PHACTR3: variants seen among roughly 807,000 people sequenced by gnomAD.
The protein encoded by PHACTR3 is protein phosphatase 1, regulatory subunit 123.
A neutral mutation model predicts 66.8 loss-of-function variants in PHACTR3; 16 were observed. The ratio of observed to expected loss-of-function variants is 0.24; its 90% CI spans 0.16 to 0.36. PHACTR3 has a LOEUF of 0.36. Ranked by LOEUF, PHACTR3 falls within the 10% of genes least tolerant of loss-of-function variation. PHACTR3 has a pLI of 1.00. For missense variants in PHACTR3, 647 were observed against 719.9 expected, an observed-to-expected ratio of 0.90 and a Z score of 1.16; for synonymous variants, 323 against 292.1, an observed-to-expected ratio of 1.11 and a Z score of -1.08.
chr20:59,841,417 A>C lies in PHACTR3; in HGVS notation c.1469A>C (p.Asp490Ala). 1 of 1,613,016 alleles carries C rather than the reference A, an allele frequency of 6.2e-7. No individual in the cohort carries two copies. Among genetic ancestry groups the C allele is most frequent in the Non-Finnish European group, 8.5e-7 (1 of 1,179,402 alleles). Reference sequence around the variant, plus strand: ...TAGCTTAATCAGAGACCCACTGTTGATGAATTAAGAGACAGAAAAATTCTG... The same window carrying C: ...TAGCTTAATCAGAGACCCACTGTTGCTGAATTAAGAGACAGAAAAATTCTG... ...TRKLNQRPTVDELRDRKILIR... is the reference protein window; with the variant it reads ...TRKLNQRPTVAELRDRKILIR... The change falls in exon 11 of 13, where the codon GAT becomes GCT. Residue 490 changes from aspartate (D) to alanine (A), a missense_variant. Physicochemically the swap from Asp to Ala is moderately radical, Grantham distance 126. This residue lies in a region of PHACTR3 where 70 missense variants were observed against 148.8 expected (regional missense o/e 0.47). Transcript: ENST00000371015.
chr20:59,597,531 C>G (rs2033358861), intron 1 of PHACTR3, among the ~76,000 whole-genome samples: 2 of 152,150 alleles, frequency 1.3e-5, no homozygotes, highest in East Asian at 1.9e-4. Context: ...AGAACTTTGC[C>G]TCTCATTTTC....
At chr20:59,670,769 C>A (rs1034620713) in intron 1 of PHACTR3, among the ~76,000 whole-genome samples, 1 of 152,178 alleles carries the variant, frequency 6.6e-6, no homozygotes, top group African/African-American at 2.4e-5. Flanking sequence ...CATGTTCCAT[C>A]TTCTACTGCA....
In PHACTR3 at chr20:59,767,289, C is replaced by G. The variant is rs928769768; in HGVS notation, c.645C>G (p.Asp215Glu). The change falls in exon 5 of 13, where the codon GAC (aspartate) becomes GAG (glutamate). Residue 215 changes from aspartate (D) to glutamate (E), a missense_variant. By Grantham distance (45) the Asp-to-Glu change is conservative. Transcript: ENST00000371015. Reference sequence around the variant, plus strand: ...CCTTAGCTGGGGCTGACTCCCTGGACAGTCCTCCCAGACCTCTGGAGAGAT... The same window carrying G: ...CCTTAGCTGGGGCTGACTCCCTGGAGAGTCCTCCCAGACCTCTGGAGAGAT... The part of the protein sequence containing the change: ...SQALAGADSL[D>E]SPPRPLERSV... 1.9e-6 allele frequency: 3 copies of G among 1,614,134 alleles called. No individual in the cohort carries two copies. The highest frequency in any genetic ancestry group is 2.7e-5 in the African/African-American group (2 of 74,956).
chr20:59,826,240 C>T (rs1487779811), intron 8 of PHACTR3, among the ~76,000 whole-genome samples: 2 of 152,222 alleles, frequency 1.3e-5, no homozygotes, highest in East Asian at 1.9e-4. Context: ...GAGGCTGGAG[C>T]TCTGCTCCTC....
At position 59,774,364 on chromosome 20, in the gene PHACTR3, G is replaced by C. The variant is rs374534713; in HGVS notation, c.1048G>C (p.Glu350Gln). 9 of 1,614,056 alleles carry C rather than the reference G, an allele frequency of 5.6e-6. No homozygotes were observed. The African/African-American group carries it at 1.1e-4, about 19-fold the overall frequency. The change falls in exon 7 of 13, where the codon GAG (glutamate) becomes CAG (glutamine). Residue 350 changes from glutamate to glutamine, a missense_variant. Coordinates refer to ENST00000371015, the MANE Select transcript of PHACTR3 (RefSeq NM_080672.5). ...GGCTTGGAGCTTTGACGGGGCATTGGAGAACAAGCGAACTGCCGCTAAGGA... is the reference window on the plus strand; with the variant it reads ...GGCTTGGAGCTTTGACGGGGCATTGCAGAACAAGCGAACTGCCGCTAAGGA... ...EEAWSFDGAL[E>Q]NKRTAAKESE...
intron 1 of PHACTR3, among the ~76,000 whole-genome samples, chr20:59,707,144 C>T (rs371826065): frequency 5.9e-5 from 9 of 152,226 alleles, no homozygotes; most frequent in Non-Finnish European, 7.3e-5. Context: ...ATGTGGACCA[C>T]GCCAGCAGGG....
chr20:59,673,323 T>C (rs1486310785), intron 1 of PHACTR3, among the ~76,000 whole-genome samples: 1 of 152,170 alleles, frequency 6.6e-6, no homozygotes, highest in East Asian at 1.9e-4. Flanking sequence ...AAGTTTTCAA[T>C]AAGACCTGGT....
chr20:59,687,574 C>T (rs190339864), intron 1 of PHACTR3, among the ~76,000 whole-genome samples: 2 of 152,138 alleles, frequency 1.3e-5, no homozygotes. Context: ...CTGAAGCCTC[C>T]GGGAGGTGTC....
upstream of PHACTR3, chr20:59,604,539 C>G (rs1456935497): frequency 3.3e-5 from 25 of 750,600 alleles, no homozygotes; most frequent in Non-Finnish European, 4.0e-5. Flanking sequence ...GAACAGCTTT[C>G]AGATTAAAGC....
intron 1 of PHACTR3, among the ~76,000 whole-genome samples, chr20:59,635,131 CTTTCTTTCTTTCTT>C (rs1292180233): frequency 1.4e-5 from 1 of 70,108 alleles, no homozygotes; most frequent in African/African-American, 5.7e-5. Context: ...TTCTTTCTTT[CTTTCTTTCTTTCTT>C]TCTTTTTCTT....
chr20:59,670,299 C>T (rs2036145460), intron 1 of PHACTR3, among the ~76,000 whole-genome samples: 1 of 152,130 alleles, frequency 6.6e-6, no homozygotes, highest in African/African-American at 2.4e-5. Flanking sequence ...CTGGGCAGGG[C>T]AATGGGTGCA....
At chr20:59,760,372 G>A (rs372640456) in intron 4 of PHACTR3, among the ~76,000 whole-genome samples, 19 of 152,232 alleles carry the variant, frequency 1.2e-4, no homozygotes, top group African/African-American at 3.4e-4. Flanking sequence ...GGCTGTGTCC[G>A]CACCCAAATC....
intron 1 of PHACTR3, among the ~76,000 whole-genome samples, chr20:59,684,368 G>A (rs1383689686): frequency 1.3e-5 from 2 of 152,186 alleles, no homozygotes; most frequent in Admixed American, 6.5e-5. Context: ...GTGTGCTCAC[G>A]GTGTGTTTCA....
intron 1 of PHACTR3, among the ~76,000 whole-genome samples, chr20:59,704,562 CTTTTTTTT>C: frequency 1.1e-5 from 1 of 89,470 alleles, no homozygotes; most frequent in Admixed American, 1.2e-4. Context: ...TGAGAATAGT[CTTTTTTTT>C]TTTTTTTTTT....
chr20:59,632,258 T>G (rs1256322306), intron 1 of PHACTR3, among the ~76,000 whole-genome samples: 1 of 152,140 alleles, frequency 6.6e-6, no homozygotes, highest in Non-Finnish European at 1.5e-5. Flanking sequence ...CTCCTGTTCC[T>G]CAGTCCCCTT....
At chr20:59,825,427 TTCATTCAC>T (rs371700177) in intron 8 of PHACTR3, among the ~76,000 whole-genome samples, 86 of 152,238 alleles carry the variant, frequency 5.6e-4, no homozygotes, top group African/African-American at 1.9e-3. Flanking sequence ...CATTCACTCG[TTCATTCAC>T]TCATTCACTC....
At chr20:59,601,607 C>G (rs935028203), upstream of PHACTR3, among the ~76,000 whole-genome samples, 2 of 152,228 alleles carry the variant, frequency 1.3e-5, no homozygotes, top group African/African-American at 2.4e-5. Context: ...TCAAGCCAGT[C>G]ATGGTCTGGA....
chr20:59,606,303 T>TC (rs5842274), intron 1 of PHACTR3, among the ~76,000 whole-genome samples: 6,496 of 150,812 alleles, frequency 0.043, 368 homozygotes, highest in East Asian at 0.32. Context: ...ACTGGATCCC[T>TC]CCCCCCCCCA....
intron 4 of PHACTR3, among the ~76,000 whole-genome samples, chr20:59,761,832 A>G (rs1390000693): frequency 6.6e-6 from 1 of 152,198 alleles, no homozygotes; most frequent in Non-Finnish European, 1.5e-5. Flanking sequence ...TGGGGTTTGT[A>G]CAGTGTAGAA....
Sources: allele counts gnomAD v4.1 joint callset (sites outside exome capture counted in the v4.1 genomes callset), GRCh38; gene constraint gnomAD v4.1.1; regional missense constraint gnomAD v4.1.1; transcripts MANE v1.5; gene names NCBI Gene and HGNC (gene_info 2026-07-23, HGNC 2026-07-21).